The following FLRT1 variants were observed in gnomAD, a reference collection of about 807,000 sequenced individuals.
The protein encoded by FLRT1 is fibronectin leucine rich transmembrane protein 1, also known as leucine-rich repeat transmembrane protein FLRT1.
In FLRT1, 14 loss-of-function variants were observed where a neutral mutation model predicts 30.9. The observed-to-expected ratio is 0.45, with a 90% CI of 0.30 to 0.71. FLRT1 has a LOEUF of 0.71. Among genes scored for constraint, FLRT1 ranks in the 30% least tolerant of loss-of-function variants. FLRT1 has a pLI of 0.08. For synonymous variants in FLRT1, 368 were observed against 430.4 expected, an observed-to-expected ratio of 0.85 and a Z score of 1.80; for missense variants, 737 against 949.2, an observed-to-expected ratio of 0.78 and a Z score of 2.94.
At chr11:64,088,692 C>A (rs72918433) in intron 1 of FLRT1, among the ~76,000 whole-genome samples, 2,612 of 152,262 alleles carry the variant, frequency 0.017, 38 homozygotes, top group Non-Finnish European at 0.028. Flanking sequence ...CTCTGGGTCT[C>A]GGCTGCCCTG....
At chr11:64,086,420 C>T (rs552771361) in intron 1 of FLRT1, among the ~76,000 whole-genome samples, 1 of 152,186 alleles carries the variant, frequency 6.6e-6, no homozygotes, top group African/African-American at 2.4e-5. Flanking sequence ...CCTCCCCACC[C>T]CCAGCTTTCT....
intron 1 of FLRT1, among the ~76,000 whole-genome samples, chr11:64,078,810 G>C (rs543123282): frequency 6.6e-6 from 1 of 152,230 alleles, no homozygotes; most frequent in South Asian, 2.1e-4. Flanking sequence ...TCTGAGCAGG[G>C]GGTGTGGGGG....
chr11:64,077,368 C>T (rs1470499664), intron 1 of FLRT1, among the ~76,000 whole-genome samples: 2 of 152,196 alleles, frequency 1.3e-5, no homozygotes, highest in Non-Finnish European at 2.9e-5. Context: ...GAATTGGGGG[C>T]CCCTGTCACG....
At position 64,078,113 on chromosome 11, in the gene FLRT1, GGGCT is replaced by G. The variant is rs1427827402; in HGVS notation, c.-1037-25079_-1037-25076del. Among the ~76,000 whole-genome samples the G allele has an allele frequency of 2.6e-5, 4 of 152,170 alleles. No individual in the cohort carries two copies. In the East Asian group the frequency reaches 7.7e-4, roughly 29 times the overall value. On this transcript the variant is annotated intron_variant, in intron 1 of 2. Coordinates refer to ENST00000682287, the MANE Select transcript of FLRT1 (RefSeq NM_013280.5). ...ACTGCCCTGCGCACCTGCCGGCTTGGGGCTGCAGGCAGCACTCCTTTCCTTCCTC... is the reference window on the plus strand; with the variant it reads ...ACTGCCCTGCGCACCTGCCGGCTTGGGCAGGCAGCACTCCTTTCCTTCCTC...
At chr11:64,106,621 T>C (rs1480751425) in intron 2 of FLRT1, among the ~76,000 whole-genome samples, 2 of 152,222 alleles carry the variant, frequency 1.3e-5, no homozygotes, top group Non-Finnish European at 2.9e-5. Flanking sequence ...GTGCCAAGCC[T>C]CTGATCTAGG....
At chr11:64,109,560 C>T (rs1211873744) in intron 2 of FLRT1, among the ~76,000 whole-genome samples, 1 of 152,062 alleles carries the variant, frequency 6.6e-6, no homozygotes. Flanking sequence ...GTGAGTGTGG[C>T]GTGGAGGAGG....
In FLRT1 at chr11:64,089,078, C is replaced by T. The variant is rs1047038983; in HGVS notation, c.-1037-14116C>T. Among the ~76,000 whole-genome samples, 103 of 152,312 alleles carry T rather than the reference C, an allele frequency of 6.8e-4. 1 individual carries two copies. The highest frequency in any genetic ancestry group is 1.2e-4 in the Non-Finnish European group (8 of 68,030). On this transcript the variant is annotated intron_variant, in intron 1 of 2. Transcript: ENST00000682287. ...CCCCGCCGGCTGTCCTCCCTCCCTC[C>T]GGCCTGCTGCTGTGGCTCCTCTGTG...
intron 1 of FLRT1, among the ~76,000 whole-genome samples, chr11:64,046,984 C>A (rs972767345): frequency 4.5e-4 from 68 of 152,238 alleles, no homozygotes; most frequent in African/African-American, 1.6e-3. Context: ...CGCCCTCAGC[C>A]TGGCATTTCA....
At chr11:64,087,382 G>A (rs900626931) in intron 1 of FLRT1, among the ~76,000 whole-genome samples, 1 of 152,126 alleles carries the variant, frequency 6.6e-6, no homozygotes, top group Non-Finnish European at 1.5e-5. Flanking sequence ...CTGTAGCCCT[G>A]ACCACAGGCC....
chr11:64,072,099 A>G (rs1210852384), intron 1 of FLRT1, among the ~76,000 whole-genome samples: 3 of 152,128 alleles, frequency 2.0e-5, no homozygotes, highest in Non-Finnish European at 4.4e-5. Flanking sequence ...CGACTGCTGA[A>G]CTCATAACCG....
At chr11:64,063,651 T>G (rs1283103116) in intron 1 of FLRT1, among the ~76,000 whole-genome samples, 1 of 152,098 alleles carries the variant, frequency 6.6e-6, no homozygotes, top group African/African-American at 2.4e-5. Context: ...TTGTGTGACG[T>G]GGGAGTGTGT....
At chr11:64,091,619 G>A (rs941600425) in intron 1 of FLRT1, among the ~76,000 whole-genome samples, 1 of 152,082 alleles carries the variant, frequency 6.6e-6, no homozygotes, top group Non-Finnish European at 1.5e-5. Context: ...GGACGTTGCC[G>A]CCACCATCCC....
chr11:64,099,896 G>C lies in FLRT1; in HGVS notation c.-1037-3298G>C, dbSNP rs370845830. ...GGAGGGATCGAGAAATGGAGGGAGAGATGGAAGGATGGAGGGATGGATGGA... is the reference window on the plus strand; with the variant it reads ...GGAGGGATCGAGAAATGGAGGGAGACATGGAAGGATGGAGGGATGGATGGA... On this transcript the variant is annotated intron_variant, in intron 1 of 2. Coordinates refer to ENST00000682287, the MANE Select transcript of FLRT1 (RefSeq NM_013280.5). 1.4e-3 allele frequency among the ~76,000 whole-genome samples: 209 copies of C among 152,008 alleles called. 2 individuals are homozygous for C. In the South Asian group the frequency reaches 0.015, roughly 11 times the overall value.
At chr11:64,108,869 ACCACACACCAGTGCCAGG>A (rs941962730) in intron 2 of FLRT1, among the ~76,000 whole-genome samples, 6 of 152,042 alleles carry the variant, frequency 3.9e-5, no homozygotes, top group African/African-American at 4.8e-5. Context: ...GTCTGCAGCA[ACCACACACCAGTGCCAGG>A]CCACACACCA....
intron 1 of FLRT1, among the ~76,000 whole-genome samples, chr11:64,093,965 A>G (rs1472249490): frequency 1.3e-5 from 2 of 152,230 alleles, no homozygotes; most frequent in Non-Finnish European, 2.9e-5. Context: ...GCTGGCTGAT[A>G]GAAAGCACGG....
chr11:64,062,391 C>G (rs936553384), intron 1 of FLRT1, among the ~76,000 whole-genome samples: 2 of 152,184 alleles, frequency 1.3e-5, no homozygotes, highest in Non-Finnish European at 2.9e-5. Context: ...ACCTGGAGGT[C>G]TTATGTCTGC....
chr11:64,115,713 C>T (rs957214465), intron 2 of FLRT1, among the ~76,000 whole-genome samples: 2 of 152,216 alleles, frequency 1.3e-5, no homozygotes, highest in Admixed American at 6.5e-5. Flanking sequence ...GCTTTCCTTT[C>T]GAATCCTGGG....
At chr11:64,076,665 G>A (rs1944207692) in intron 1 of FLRT1, among the ~76,000 whole-genome samples, 4 of 152,190 alleles carry the variant, frequency 2.6e-5, no homozygotes, top group East Asian at 1.9e-4. Context: ...AGACGAAATC[G>A]CCTAAGAACA....
chr11:64,044,509 G>C (rs1040379611), intron 1 of FLRT1, among the ~76,000 whole-genome samples: 4 of 152,134 alleles, frequency 2.6e-5, no homozygotes, highest in African/African-American at 9.7e-5. Flanking sequence ...TTGGCCTCCT[G>C]ATTACAGGTG....
Sources: allele counts gnomAD v4.1 joint callset (sites outside exome capture counted in the v4.1 genomes callset), GRCh38; gene constraint gnomAD v4.1.1; transcripts MANE v1.5; gene names NCBI Gene and HGNC (gene_info 2026-07-23, HGNC 2026-07-21).